SCD5: variants seen among roughly 807,000 people sequenced by gnomAD.
SCD5 encodes the protein acyl-CoA-desaturase 4.
In SCD5, 20 loss-of-function variants were observed where a neutral mutation model predicts 30.4. The ratio of observed to expected loss-of-function variants is 0.66; its 90% CI spans 0.46 to 0.96. SCD5 has a LOEUF of 0.96. Ranked by LOEUF, SCD5 falls within the 40% of genes least tolerant of loss-of-function variation. The pLI is 0.00. For synonymous variants in SCD5, 173 were observed against 176.4 expected (o/e 0.98, Z 0.16); for missense variants, 381 against 443.3 (o/e 0.86, Z 1.26).
At chr4:82,644,858 C>T (rs1343240503) in intron 3 of SCD5, among the ~76,000 whole-genome samples, 1 of 152,226 alleles carries the variant, frequency 6.6e-6, no homozygotes, top group East Asian at 1.9e-4. Flanking sequence ...GCTTTTAGGT[C>T]ATTCCCTGAG....
chr4:82,741,733 C>A (rs1720876285), intron 1 of SCD5, among the ~76,000 whole-genome samples: 1 of 151,674 alleles, frequency 6.6e-6, no homozygotes, highest in Non-Finnish European at 1.5e-5. Flanking sequence ...TATCAGATAC[C>A]TACATGACTG....
intron 3 of SCD5, among the ~76,000 whole-genome samples, chr4:82,648,668 G>C (rs1727680789): frequency 6.6e-6 from 1 of 152,078 alleles, no homozygotes; most frequent in South Asian, 2.1e-4. Flanking sequence ...CTTAATTTCA[G>C]GTCTACCCTG....
intron 3 of SCD5, among the ~76,000 whole-genome samples, chr4:82,649,180 G>GGTGTGTGTGT (rs55991339): frequency 2.8e-5 from 4 of 144,006 alleles, no homozygotes; most frequent in African/African-American, 1.0e-4. Flanking sequence ...GGGTGAGAGG[G>GGTGTGTGTGT]GTGTGTGTGT....
intron 3 of SCD5, among the ~76,000 whole-genome samples, chr4:82,646,723 C>T (rs749500471): frequency 7.9e-5 from 12 of 152,200 alleles, no homozygotes; most frequent in Non-Finnish European, 1.6e-4. Context: ...GATGCATCTC[C>T]TCCCCTGTGG....
intron 1 of SCD5, among the ~76,000 whole-genome samples, chr4:82,777,696 A>G (rs1241683031): frequency 6.6e-6 from 1 of 152,152 alleles, no homozygotes; most frequent in East Asian, 1.9e-4. Flanking sequence ...TGCTTCTGGG[A>G]AAGTATCTTG....
At chr4:82,645,262 C>T (rs1377198416) in intron 3 of SCD5, among the ~76,000 whole-genome samples, 4 of 150,018 alleles carry the variant, frequency 2.7e-5, no homozygotes, top group East Asian at 2.0e-4. Flanking sequence ...TGCAGTGAGC[C>T]GAGATTGTGC....
chr4:82,782,637 A>G (rs1212239916), intron 1 of SCD5, among the ~76,000 whole-genome samples: 1 of 151,802 alleles, frequency 6.6e-6, no homozygotes, highest in Non-Finnish European at 1.5e-5. Flanking sequence ...ATCTATTCCC[A>G]TCCCCACCCC....
intron 1 of SCD5, among the ~76,000 whole-genome samples, chr4:82,784,140 T>C (rs1721938468): frequency 6.6e-6 from 1 of 152,176 alleles, no homozygotes; most frequent in South Asian, 2.1e-4. Context: ...TTCTATGAGC[T>C]TGAAATTACA....
intron 3 of SCD5, among the ~76,000 whole-genome samples, chr4:82,645,776 G>C: frequency 6.6e-6 from 1 of 152,202 alleles, no homozygotes. Flanking sequence ...GATCAATAAA[G>C]AGAACTGAAA....
At chr4:82,734,675 C>T (rs970252642) in intron 1 of SCD5, among the ~76,000 whole-genome samples, 4 of 151,772 alleles carry the variant, frequency 2.6e-5, no homozygotes, top group Non-Finnish European at 5.9e-5. Context: ...CTCATCCTGC[C>T]ATGTAACAAA....
At chr4:82,720,445 A>C (rs866730937) in intron 1 of SCD5, among the ~76,000 whole-genome samples, 3,481 of 145,468 alleles carry the variant, frequency 0.024, 148 homozygotes, top group African/African-American at 0.09. Flanking sequence ...CAAAAATAAA[A>C]AAAAAAAAAA....
At chr4:82,669,793 T>C (rs1728269141) in intron 3 of SCD5, among the ~76,000 whole-genome samples, 1 of 152,204 alleles carries the variant, frequency 6.6e-6, no homozygotes, top group African/African-American at 2.4e-5. Context: ...TAACAAGACC[T>C]ACCTTCGGGA....
intron 2 of SCD5, among the ~76,000 whole-genome samples, chr4:82,685,518 G>T (rs1728683445): frequency 6.6e-6 from 1 of 152,036 alleles, no homozygotes; most frequent in East Asian, 1.9e-4. Context: ...TTCGAGACCA[G>T]CCTGGCCAAC....
Position 82,796,150 on chromosome 4 carries a change from A to G in SCD5, c.232+2156T>C, listed in dbSNP as rs373599713. Among the ~76,000 whole-genome samples the G allele has an allele frequency of 6.5e-4, 99 of 151,736 alleles. 1 individual carries two copies. The highest frequency in any genetic ancestry group is 1.7e-3 in the African/African-American group (70 of 41,390). ...CCGGGCGTGGTGGCGGGCACCTGTA[A>G]TCCCAACTACTTGGGAGGCTGAAGC... is the stretch of plus-strand genomic sequence containing the variant. On this transcript the variant is annotated intron_variant, in intron 1 of 4. Transcript: ENST00000319540.
chr4:82,671,858 G>T (rs547676312), intron 3 of SCD5, among the ~76,000 whole-genome samples: 1 of 152,208 alleles, frequency 6.6e-6, no homozygotes, highest in East Asian at 1.9e-4. Context: ...TCCAGCCTGG[G>T]TAACAGAGCG....
chr4:82,790,816 C>T (rs1390469206), intron 1 of SCD5, among the ~76,000 whole-genome samples: 2 of 151,900 alleles, frequency 1.3e-5, no homozygotes, highest in Non-Finnish European at 2.9e-5. Context: ...AAAAAAAAAG[C>T]CAGGGCATCT....
intron 1 of SCD5, among the ~76,000 whole-genome samples, chr4:82,770,841 G>A (rs1489292098): frequency 6.6e-6 from 1 of 152,206 alleles, no homozygotes; most frequent in African/African-American, 2.4e-5. Context: ...GAGTTGGGTG[G>A]ATAAATGCCT....
intron 1 of SCD5, among the ~76,000 whole-genome samples, chr4:82,727,807 A>C (rs567909667): frequency 7.5e-4 from 114 of 152,272 alleles, no homozygotes; most frequent in Non-Finnish European, 1.2e-3. Context: ...TCTTGGATTC[A>C]AGCGATTCTC....
At chr4:82,689,712 T>A (rs1464360401) in intron 2 of SCD5, among the ~76,000 whole-genome samples, 1 of 152,236 alleles carries the variant, frequency 6.6e-6, no homozygotes, top group African/African-American at 2.4e-5. Context: ...AGGCTCATAA[T>A]CTTTGCATAA....
Sources: gnomAD v4.1 joint callset for allele counts (sites outside exome capture counted in the v4.1 genomes callset) on GRCh38, gnomAD v4.1.1 for gene constraint, MANE v1.5 for transcripts, NCBI Gene and HGNC (gene_info 2026-07-23, HGNC 2026-07-21) for gene names.